Variants in CALN1 observed in about 807,000 individuals in gnomAD.
CALN1 encodes the protein calcium-binding protein 8.
CALN1 carries 17 observed loss-of-function variants against 30.6 expected under a neutral mutation model. The observed-to-expected ratio is 0.56, with a 90% CI of 0.38 to 0.83. CALN1 has a LOEUF of 0.83. CALN1 is among the 40% of genes least tolerant of loss of function. CALN1 has a pLI of 0.00. For missense variants in CALN1, 291 were observed against 354.9 expected (o/e 0.82, Z 1.45); for synonymous variants, 156 against 131.4 (o/e 1.19, Z -1.28).
chr7:72,241,400 C>T (rs561913781), intron 3 of CALN1, among the ~76,000 whole-genome samples: 297 of 152,178 alleles, frequency 2.0e-3, no homozygotes, highest in Non-Finnish European at 3.6e-3. Flanking sequence ...CCCCCCCACA[C>T]ATTTACTTAA....
intron 2 of CALN1, among the ~76,000 whole-genome samples, chr7:72,336,364 T>C (rs1043840959): frequency 6.6e-6 from 1 of 151,966 alleles, no homozygotes; most frequent in Non-Finnish European, 1.5e-5. Flanking sequence ...CACTGGCGCC[T>C]GGGGGCTAGA....
chr7:71,994,244 G>A (rs891057959), intron 5 of CALN1, among the ~76,000 whole-genome samples: 1 of 152,168 alleles, frequency 6.6e-6, no homozygotes, highest in African/African-American at 2.4e-5. Flanking sequence ...AGGCACGGTG[G>A]CCCATGCCTA....
At chr7:72,493,873 T>A in the CALN1 span, among the ~76,000 whole-genome samples, 1 of 152,190 alleles carries the variant, frequency 6.6e-6, no homozygotes, top group Non-Finnish European at 1.5e-5. Flanking sequence ...GTGTGCTTTG[T>A]GGGTGTAGTT....
intron 5 of CALN1, among the ~76,000 whole-genome samples, chr7:71,839,627 C>T (rs1789819092): frequency 6.6e-6 from 1 of 152,186 alleles, no homozygotes; most frequent in South Asian, 2.1e-4. Flanking sequence ...GGATTATCTG[C>T]TGAAGCCTTG....
chr7:71,946,797 G>A (rs139475358), intron 5 of CALN1, among the ~76,000 whole-genome samples: 10 of 152,216 alleles, frequency 6.6e-5, no homozygotes, highest in African/African-American at 2.2e-4. Flanking sequence ...TCTGGAATCA[G>A]GATTTCCTGA....
chr7:72,325,056 T>G (rs1801175480), intron 2 of CALN1, among the ~76,000 whole-genome samples: 2 of 152,274 alleles, frequency 1.3e-5, no homozygotes, highest in East Asian at 3.9e-4. Context: ...CCCAGCACTT[T>G]TGAGAGGCCA....
chr7:71,869,772 G>C (rs965109236), intron 5 of CALN1, among the ~76,000 whole-genome samples: 1 of 152,142 alleles, frequency 6.6e-6, no homozygotes, highest in Non-Finnish European at 1.5e-5. Context: ...GGGGTGATCG[G>C]GTTGTTTGAA....
At chr7:72,239,753 T>C (rs1399153286) in intron 3 of CALN1, among the ~76,000 whole-genome samples, 1 of 152,146 alleles carries the variant, frequency 6.6e-6, no homozygotes, top group Admixed American at 6.6e-5. Flanking sequence ...AGGTAGCTCC[T>C]ACATGTGCCC....
At chr7:72,039,587 T>C (rs1584802016) in intron 4 of CALN1, among the ~76,000 whole-genome samples, 1 of 152,160 alleles carries the variant, frequency 6.6e-6, no homozygotes, top group African/African-American at 2.4e-5. Flanking sequence ...CTAGTAAACC[T>C]AGAGTGGGGA....
chr7:71,992,328 G>A (rs944193660), intron 5 of CALN1, among the ~76,000 whole-genome samples: 18 of 152,122 alleles, frequency 1.2e-4, no homozygotes, highest in African/African-American at 4.3e-4. Flanking sequence ...TTTGTTTACT[G>A]CCTATATAAG....
intron 5 of CALN1, among the ~76,000 whole-genome samples, chr7:71,979,699 G>T (rs1343283425): frequency 6.6e-6 from 1 of 151,994 alleles, no homozygotes; most frequent in Admixed American, 6.6e-5. Context: ...ATGGGAACTG[G>T]GGCTCAGGGG....
chr7:72,002,027 A>C (rs1412331009), intron 5 of CALN1, among the ~76,000 whole-genome samples: 2 of 152,212 alleles, frequency 1.3e-5, no homozygotes, highest in Non-Finnish European at 2.9e-5. Flanking sequence ...AAAGAAGAGA[A>C]GAATTAACTG....
At chr7:71,996,198 G>A (rs925008824) in intron 5 of CALN1, among the ~76,000 whole-genome samples, 1 of 152,098 alleles carries the variant, frequency 6.6e-6, no homozygotes, top group Admixed American at 6.5e-5. Context: ...CAAGATAACT[G>A]CCTACTAAAA....
intron 5 of CALN1, among the ~76,000 whole-genome samples, chr7:71,815,605 T>C (rs1286246831): frequency 2.0e-5 from 3 of 152,176 alleles, no homozygotes; most frequent in African/African-American, 7.2e-5. Context: ...GTTTCTGCAG[T>C]GTAACTTAGT....
chr7:71,950,106 C>T (rs1796613652), intron 5 of CALN1, among the ~76,000 whole-genome samples: 1 of 152,088 alleles, frequency 6.6e-6, no homozygotes, highest in African/African-American at 2.4e-5. Flanking sequence ...TTCATTCCTT[C>T]CTTGCTTCAT....
At chr7:72,302,893 C>CAAAAAAAAAA (rs71069055) in intron 2 of CALN1, among the ~76,000 whole-genome samples, 8 of 48,750 alleles carry the variant, frequency 1.6e-4, no homozygotes, top group African/African-American at 2.3e-4. Flanking sequence ...GTGAGGGTCT[C>CAAAAAAAAAA]AAAAAAAAAA....
At chr7:71,865,197 T>C (rs1791516956) in intron 5 of CALN1, among the ~76,000 whole-genome samples, 1 of 152,162 alleles carries the variant, frequency 6.6e-6, no homozygotes, top group Non-Finnish European at 1.5e-5. Flanking sequence ...CTGGAGGAGA[T>C]ACTTGGATCG....
At chr7:72,003,057 T>C (rs1354481081) in intron 5 of CALN1, among the ~76,000 whole-genome samples, 2 of 152,206 alleles carry the variant, frequency 1.3e-5, no homozygotes, top group African/African-American at 4.8e-5. Flanking sequence ...TCTCAGTAAG[T>C]ATGTGAAGTA....
At chr7:71,949,980 T>C (rs1796606609) in intron 5 of CALN1, among the ~76,000 whole-genome samples, 1 of 152,082 alleles carries the variant, frequency 6.6e-6, no homozygotes, top group South Asian at 2.1e-4. Context: ...GCCAGGATGG[T>C]CTCAATCTCC....
Sources: allele counts gnomAD v4.1 joint callset (sites outside exome capture counted in the v4.1 genomes callset), GRCh38; gene constraint gnomAD v4.1.1; transcripts MANE v1.5; gene names NCBI Gene and HGNC (gene_info 2026-07-23, HGNC 2026-07-21).